The following PROKR1 variants were observed in gnomAD, a reference collection of about 807,000 sequenced individuals.
The protein encoded by PROKR1 is prokineticin receptor 1.
In PROKR1, 21 loss-of-function variants were observed where a neutral mutation model predicts 22.8. The observed-to-expected ratio is 0.92, with a 90% CI of 0.65 to 1.32. PROKR1 has a LOEUF of 1.32. Among genes scored for constraint, PROKR1 ranks in the 40% most tolerant of loss-of-function variants. PROKR1 has a pLI of 0.00. For missense variants in PROKR1, 548 were observed against 514.2 expected, an observed-to-expected ratio of 1.07 and a Z score of -0.64; for synonymous variants, 193 against 207.5, an observed-to-expected ratio of 0.93 and a Z score of 0.60.
chr2:68,655,185 T>A lies in PROKR1; in HGVS notation c.791T>A (p.Val264Asp), dbSNP rs752174431. The change falls in exon 3 of 3, where the codon GTC becomes GAC. Residue 264 changes from valine (V) to aspartate (D), a missense_variant. Physicochemically the swap from Val to Asp is radical, Grantham distance 152. Transcript: ENST00000303786. ...TCCCGGGAGCTCTGGTTCAAGGCGG[T>A]CCCTGGATTCCAGACAGAGCAGATC... ...RISRELWFKA[V>D]PGFQTEQIRK... 1 of 1,614,188 alleles carries A rather than the reference T, an allele frequency of 6.2e-7. No individual in the cohort carries two copies.
rs6546423 is a variant in PROKR1 at position 68,656,101 on chromosome 2, C to T, written c.*525C>T. 76,177 of 214,712 alleles carry T rather than the reference C, an allele frequency of 0.35. 15,006 individuals carry two copies. The highest frequency in any genetic ancestry group is 0.57 in the African/African-American group (24,411 of 42,820). 13.3% of individuals were successfully genotyped at this position (214,712 alleles called of 1,614,324 possible). ...GCGAGGGGCCTTGCATGCATGTGCA[C>T]GGACATCCCAGTATTCATGGCCAAG... On this transcript the variant is annotated 3_prime_UTR_variant, in exon 3 of 3. Transcript: ENST00000303786.
rs1291421532 is a variant in PROKR1 at position 68,645,662 on chromosome 2, G to C, written c.-160G>C. 1 of 1,038,870 alleles carries C rather than the reference G, an allele frequency of 9.6e-7. No individual in the cohort carries two copies. The highest frequency in any genetic ancestry group is 2.5e-5 in the East Asian group (1 of 39,968). The allele number at this position is 1,038,870 out of a possible 1,614,324, so 64.4% of individuals were successfully genotyped here. ...CCAACTGTTTGTATGTCTTTCAAAG[G>C]TTTAGAATGGAGCTCAGATACCATA... is the stretch of plus-strand genomic sequence containing the variant. On this transcript the variant is annotated splice_region_variant and 5_prime_UTR_variant, in exon 2 of 3. Transcript: ENST00000303786.
chr2:68,654,438 T>G (rs1168987575), intron 2 of PROKR1, among the ~76,000 whole-genome samples: 1 of 152,190 alleles, frequency 6.6e-6, no homozygotes, highest in Non-Finnish European at 1.5e-5. Flanking sequence ...TGGCTGAGGT[T>G]GCATAGCTAA....
chr2:68,653,840 T>C (rs1673387104), intron 2 of PROKR1, among the ~76,000 whole-genome samples: 1 of 152,168 alleles, frequency 6.6e-6, no homozygotes, highest in Non-Finnish European at 1.5e-5. Flanking sequence ...TGTGGGTTTT[T>C]TTTTGAAAGG....
rs1296719909 is a variant in PROKR1, at chr2:68,656,813, A to G, written c.*1237A>G. 4 of 152,208 alleles carry G rather than the reference A, an allele frequency of 2.6e-5. No homozygotes were observed. Among genetic ancestry groups the G allele is most frequent in the Non-Finnish European group, 5.9e-5 (4 of 68,044 alleles). 9.4% of individuals were successfully genotyped at this position (152,208 alleles called of 1,614,324 possible). On this transcript the variant is annotated 3_prime_UTR_variant, in exon 3 of 3. Coordinates refer to ENST00000303786, the MANE Select transcript of PROKR1 (RefSeq NM_138964.4). ...TAAAATAGGGGTCCTCTTAGGAGGG[A>G]TAAGCCACACGTTTCTAGTCCTCAG...
intron 2 of PROKR1, among the ~76,000 whole-genome samples, chr2:68,648,133 T>G (rs1024957197): frequency 1.3e-5 from 2 of 152,110 alleles, no homozygotes; most frequent in African/African-American, 4.8e-5. Flanking sequence ...CAGGGTAGGG[T>G]GCCTCCTGTG....
chr2:68,649,625 A>G (rs1403495022), intron 2 of PROKR1: 1 of 152,258 alleles, frequency 6.6e-6, no homozygotes, highest in Non-Finnish European at 1.5e-5. Context: ...TTTCAGAAGC[A>G]AGAAATACTC....
intron 2 of PROKR1, among the ~76,000 whole-genome samples, chr2:68,651,620 G>T (rs1468296718): frequency 6.6e-6 from 1 of 152,170 alleles, no homozygotes; most frequent in Non-Finnish European, 1.5e-5. Flanking sequence ...CTCCTGGTGA[G>T]CTCATTAGTC....
Position 68,654,897 on chromosome 2 carries a change from A to G in PROKR1, c.503A>G (p.His168Arg). The change falls in exon 3 of 3, where the codon CAT becomes CGT. Residue 168 changes from histidine to arginine, a missense_variant. Physicochemically the swap from His to Arg is conservative, Grantham distance 29. Transcript: ENST00000303786. Reference sequence around the variant, plus strand: ...TGCCCTAGGTATCTGGCTATTGTCCATCCGCTGAGACCACGGATGAAGTGC... The same window carrying G: ...TGCCCTAGGTATCTGGCTATTGTCCGTCCGCTGAGACCACGGATGAAGTGC... The part of the protein sequence containing the change: ...IAIDRYLAIV[H>R]PLRPRMKCQT... 6.2e-7 allele frequency: 1 copy of G among 1,613,062 alleles called. No individual in the cohort carries two copies. The highest frequency in any genetic ancestry group is 8.5e-7 in the Non-Finnish European group (1 of 1,179,804).
chr2:68,647,400 A>G lies in PROKR1; in HGVS notation c.485+1094A>G, dbSNP rs191948982. The stretch of plus-strand genomic sequence containing the variant: ...TAGAGACAATTATCCTGAGGATCAA[A>G]TCAGGCTTCTGTGTACTTGGATCTG... On this transcript the variant is annotated intron_variant, in intron 2 of 2. Coordinates refer to ENST00000303786, the MANE Select transcript of PROKR1 (RefSeq NM_138964.4). Among the ~76,000 whole-genome samples, 21 of 152,274 alleles carry G rather than the reference A, an allele frequency of 1.4e-4. No individual in the cohort carries two copies. The East Asian group carries it at 4.0e-3, about 29-fold the overall frequency.
In PROKR1 at chr2:68,655,309, C is replaced by G. The variant is rs780436849; in HGVS notation, c.915C>G (p.Ile305Met). The G allele has an allele frequency of 6.2e-7, 1 of 1,614,262 alleles. No individual in the cohort carries two copies. Among genetic ancestry groups the G allele is most frequent in the South Asian group, 1.1e-5 (1 of 91,092 alleles). The change falls in exon 3 of 3, where the codon ATC (isoleucine) becomes ATG (methionine). Residue 305 changes from isoleucine (I) to methionine (M), a missense_variant. Ile to Met is a conservative substitution (Grantham distance 10, BLOSUM62 1). Transcript: ENST00000303786. ...GGGCGCCCTTCTACGGCTTCACCAT[C>G]GTGCGCGACTTCTTCCCCACCGTGT... ...LCWAPFYGFT[I>M]VRDFFPTVFV... is the part of the protein sequence containing the mutation.
chr2:68,651,404 G>C (rs1469393340), intron 2 of PROKR1, among the ~76,000 whole-genome samples: 2 of 152,134 alleles, frequency 1.3e-5, no homozygotes, highest in African/African-American at 2.4e-5. Context: ...GATCATGAGA[G>C]ACCTCTGCCC....
At chr2:68,654,798 C>T in intron 2 of PROKR1, 82 bp from the exon 3 acceptor site, 1 of 1,318,372 alleles carries the variant, frequency 7.6e-7, no homozygotes, top group South Asian at 1.2e-5. Context: ...CAGAGCAAAA[C>T]CCTGTTTCAA....
At chr2:68,645,377 C>G (rs1001990035) in intron 1 of PROKR1, among the ~76,000 whole-genome samples, 1 of 152,198 alleles carries the variant, frequency 6.6e-6, no homozygotes, top group Non-Finnish European at 1.5e-5. Context: ...TCAGCCTCCC[C>G]ACACTCCCAA....
chr2:68,656,005 G>T lies in PROKR1; in HGVS notation c.*429G>T, dbSNP rs1321809896. On this transcript the variant is annotated 3_prime_UTR_variant, in exon 3 of 3. Coordinates refer to ENST00000303786, the MANE Select transcript of PROKR1 (RefSeq NM_138964.4). ...GCACTGGACTTCATGCCTAACATTT[G>T]CAAGGCTGGAGCAAGAATACGAAAG... 1.1e-5 allele frequency: 3 copies of T among 266,822 alleles called. No homozygotes were observed. Among genetic ancestry groups the T allele is most frequent in the African/African-American group, 6.7e-5 (3 of 44,468 alleles). The allele number at this position is 266,822 out of a possible 1,614,324, so 16.5% of individuals were successfully genotyped here. A position where few individuals can be genotyped will look rare whatever the true frequency, so the allele number is the denominator to read the frequency against.
At chr2:68,649,227 G>A (rs1673256393) in intron 2 of PROKR1, among the ~76,000 whole-genome samples, 1 of 152,100 alleles carries the variant, frequency 6.6e-6, no homozygotes, top group Admixed American at 6.5e-5. Context: ...TGGTTCCATT[G>A]TTCTCCGAGG....
chr2:68,653,716 C>T (rs897115147), intron 2 of PROKR1, among the ~76,000 whole-genome samples: 18 of 152,148 alleles, frequency 1.2e-4, no homozygotes, highest in African/African-American at 4.3e-4. Flanking sequence ...TCTGCATAAG[C>T]TGTGTGCGTT....
chr2:68,652,259 G>C (rs4267541), intron 2 of PROKR1, among the ~76,000 whole-genome samples: 5,619 of 152,244 alleles, frequency 0.037, 204 homozygotes, highest in East Asian at 0.19. Context: ...GAATTATCTA[G>C]TGAAAAAGTG....
chr2:68,644,777 G>A (rs1673138024), intron 1 of PROKR1, among the ~76,000 whole-genome samples: 1 of 152,094 alleles, frequency 6.6e-6, no homozygotes, highest in Non-Finnish European at 1.5e-5. Flanking sequence ...CAGGGAGAGA[G>A]CAGGGGACAG....
Sources: allele counts gnomAD v4.1 joint callset (sites outside exome capture counted in the v4.1 genomes callset), GRCh38; gene constraint gnomAD v4.1.1; transcripts MANE v1.5; gene names NCBI Gene and HGNC (gene_info 2026-07-23, HGNC 2026-07-21).